KREMEN1: variants seen among roughly 807,000 people sequenced by gnomAD.
The protein encoded by KREMEN1 is kremen protein 1.
Under a neutral mutation model 46.5 loss-of-function variants are expected in KREMEN1, and 30 were observed. That is an observed-to-expected ratio of 0.65 (90% CI 0.48 to 0.88). KREMEN1 has a LOEUF of 0.88. Among genes scored for constraint, KREMEN1 ranks in the 40% least tolerant of loss-of-function variants. The probability of loss-of-function intolerance (pLI) is 0.00; values close to 1 mark genes in which losing one functional copy is unlikely to be tolerated. For synonymous variants in KREMEN1, 214 were observed against 230.6 expected (o/e 0.93, Z 0.65); for missense variants, 533 against 596.9 (o/e 0.89, Z 1.11).
intron 3 of KREMEN1, among the ~76,000 whole-genome samples, chr22:29,107,916 G>A (rs550875583): frequency 6.6e-6 from 1 of 152,288 alleles, no homozygotes; most frequent in Non-Finnish European, 1.5e-5. Context: ...CTCCTTGGTA[G>A]CCACTGAAAA....
At chr22:29,105,254 C>T (rs1321824943) in intron 3 of KREMEN1, among the ~76,000 whole-genome samples, 2 of 152,056 alleles carry the variant, frequency 1.3e-5, no homozygotes, top group Non-Finnish European at 2.9e-5. Flanking sequence ...CATCCAGTCA[C>T]CTGGGATCTT....
chr22:29,084,074 T>C (rs1436383251), intron 1 of KREMEN1, among the ~76,000 whole-genome samples: 1 of 152,118 alleles, frequency 6.6e-6, no homozygotes, highest in Non-Finnish European at 1.5e-5. Flanking sequence ...TTAGGTCATA[T>C]AGGGTAACTT....
chr22:29,132,022 A>C (rs969495082), intron 5 of KREMEN1, among the ~76,000 whole-genome samples: 4 of 151,210 alleles, frequency 2.6e-5, no homozygotes, highest in Admixed American at 1.3e-4. Flanking sequence ...ACAGGCATGC[A>C]CCACCACACA....
At chr22:29,091,745 C>T (rs1224950458) in intron 1 of KREMEN1, among the ~76,000 whole-genome samples, 1 of 152,170 alleles carries the variant, frequency 6.6e-6, no homozygotes, top group African/African-American at 2.4e-5. Context: ...CTCTCTCTCT[C>T]TCTTTCTCTC....
chr22:29,110,417 A>G (rs778848741), intron 3 of KREMEN1, among the ~76,000 whole-genome samples: 7 of 152,238 alleles, frequency 4.6e-5, no homozygotes, highest in Non-Finnish European at 1.0e-4. Context: ...GAAATCTATT[A>G]AAGTGGGAGC....
intron 3 of KREMEN1, among the ~76,000 whole-genome samples, chr22:29,107,947 C>G (rs1237845079): frequency 5.3e-5 from 8 of 152,216 alleles, no homozygotes. Flanking sequence ...TTTCAACAAT[C>G]TTCCCCACAC....
chr22:29,091,398 G>C (rs750629930), intron 1 of KREMEN1, among the ~76,000 whole-genome samples: 10 of 152,038 alleles, frequency 6.6e-5, no homozygotes, highest in Non-Finnish European at 1.5e-4. Context: ...TTGATCTATT[G>C]AGCTGCATCT....
intron 3 of KREMEN1, among the ~76,000 whole-genome samples, chr22:29,118,584 G>A (rs1414634201): frequency 6.6e-6 from 1 of 152,092 alleles, no homozygotes; most frequent in Non-Finnish European, 1.5e-5. Flanking sequence ...CCTTCTTGCT[G>A]CAGAGAGAGA....
chr22:29,147,125 A>G (rs1034341444), downstream of KREMEN1, among the ~76,000 whole-genome samples: 1 of 152,206 alleles, frequency 6.6e-6, no homozygotes, highest in Non-Finnish European at 1.5e-5. Flanking sequence ...GAGCCGGCCT[A>G]GATCCAGTCC....
chr22:29,080,616 A>T (rs964017159), intron 1 of KREMEN1, among the ~76,000 whole-genome samples: 1 of 152,226 alleles, frequency 6.6e-6, no homozygotes, highest in Non-Finnish European at 1.5e-5. Flanking sequence ...CTGAGCTGAG[A>T]AAGTCTCCCT....
At chr22:29,129,495 T>A (rs1434602625) in intron 5 of KREMEN1, among the ~76,000 whole-genome samples, 1 of 152,058 alleles carries the variant, frequency 6.6e-6, no homozygotes, top group African/African-American at 2.4e-5. Flanking sequence ...GGTGAAGATG[T>A]CTCCCTAAAG....
chr22:29,120,501 AGGAAACGGAGGAGGGAGAGGTGATGAT>A (rs2038334096), intron 3 of KREMEN1, among the ~76,000 whole-genome samples: 1 of 69,232 alleles, frequency 1.4e-5, no homozygotes, highest in South Asian at 5.8e-4. Flanking sequence ...GAGGTGATAA[AGGAAACGGAGGAGGGAGAGGTGATGAT>A]GGAAACGGAG....
chr22:29,097,626 C>T (rs1414884085), intron 2 of KREMEN1, among the ~76,000 whole-genome samples: 10 of 151,976 alleles, frequency 6.6e-5, no homozygotes, highest in South Asian at 2.1e-4. Context: ...ATTTTTGAGA[C>T]GGAGTTTCGC....
rs192618901 is a variant in KREMEN1 at position 29,165,002 on chromosome 22, G to A, written c.1417-2042G>A. Among the ~76,000 whole-genome samples, 131 of 151,870 alleles carry A rather than the reference G, an allele frequency of 8.6e-4. 1 individual carries two copies. Among genetic ancestry groups the A allele is most frequent in the Admixed American group, 2.3e-3 (35 of 15,224 alleles). On this transcript the variant is annotated intron_variant, in intron 9 of 9. Coordinates refer to the KREMEN1 transcript ENST00000327813. ...AGCCTGGCCAATATGGTGAAACCCC[G>A]TCCCTACTAAAAATACAAAAATTAG...
Position 29,145,092 on chromosome 22 carries a change from C to T in KREMEN1, c.*2980C>T, listed in dbSNP as rs2038835907. The T allele has an allele frequency of 1.0e-6, 1 of 985,700 alleles. No homozygotes were observed. Among genetic ancestry groups the T allele is most frequent in the Non-Finnish European group, 1.2e-6 (1 of 830,060 alleles). 61.1% of individuals were successfully genotyped at this position (985,700 alleles called of 1,614,324 possible). A position where few individuals can be genotyped will look rare whatever the true frequency, so the allele number is the denominator to read the frequency against. ...TCCTGCCGCAGCCTGGCTATGGACT[C>T]AGTTAGAACCAGGTAGAAAGTCAGC... On this transcript the variant is annotated 3_prime_UTR_variant, in exon 9 of 9. Coordinates refer to ENST00000400335, the MANE Select transcript of KREMEN1 (RefSeq NM_001039570.3).
At chr22:29,129,951 A>T (rs1197843066) in intron 5 of KREMEN1, among the ~76,000 whole-genome samples, 1 of 152,164 alleles carries the variant, frequency 6.6e-6, no homozygotes, top group East Asian at 1.9e-4. Flanking sequence ...ACAGAAGAAC[A>T]TGTAGGCCAG....
At chr22:29,132,776 A>G (rs1480800233) in intron 5 of KREMEN1, among the ~76,000 whole-genome samples, 1 of 152,172 alleles carries the variant, frequency 6.6e-6, no homozygotes, top group South Asian at 2.1e-4. Flanking sequence ...TTTCACCTGC[A>G]TTTTTTTGAG....
At chr22:29,082,213 T>C (rs1041906728) in intron 1 of KREMEN1, among the ~76,000 whole-genome samples, 2 of 152,036 alleles carry the variant, frequency 1.3e-5, no homozygotes, top group Non-Finnish European at 2.9e-5. Context: ...TATTTTTATT[T>C]TATTTTATTT....
At chr22:29,136,879 T>C (rs2038666231) in intron 5 of KREMEN1, among the ~76,000 whole-genome samples, 1 of 152,214 alleles carries the variant, frequency 6.6e-6, no homozygotes, top group African/African-American at 2.4e-5. Flanking sequence ...AGCCCTTCTC[T>C]TTTGACAGCT....
Sources: gnomAD v4.1 joint callset for allele counts (sites outside exome capture counted in the v4.1 genomes callset) on GRCh38, gnomAD v4.1.1 for gene constraint, MANE v1.5 for transcripts, NCBI Gene and HGNC (gene_info 2026-07-23, HGNC 2026-07-21) for gene names.